GANC: variants seen among roughly 807,000 people sequenced by gnomAD.
GANC encodes glucosidase alpha, neutral C, also known as neutral alpha-glucosidase C.
Under a neutral mutation model 124.2 loss-of-function variants are expected in GANC, and 117 were observed. That is an observed-to-expected ratio of 0.94 (90% CI 0.81 to 1.10). GANC has a LOEUF of 1.10. GANC is among the 50% of genes least tolerant of loss of function. The pLI, the probability that GANC is intolerant of heterozygous loss-of-function variation, is 0.00. For synonymous variants in GANC, 377 were observed against 376.8 expected, an observed-to-expected ratio of 1.00 and a Z score of -0.01; for missense variants, 1,140 against 1,095.0, an observed-to-expected ratio of 1.04 and a Z score of -0.58.
intron 10 of GANC, chr15:42,314,512 T>C: frequency 4.1e-6 from 1 of 245,486 alleles, no homozygotes; most frequent in Non-Finnish European, 8.0e-6. Flanking sequence ...ATTTGTTCTG[T>C]AAATACTGCT....
intron 3 of GANC, among the ~76,000 whole-genome samples, chr15:42,284,900 A>G (rs564347225): frequency 2.5e-4 from 38 of 152,276 alleles, no homozygotes; most frequent in African/African-American, 9.1e-4. Context: ...ATTTTACATA[A>G]ATTGACCTGG....
At chr15:42,293,199 C>G (rs375117249) in intron 5 of GANC, among the ~76,000 whole-genome samples, 8 of 152,294 alleles carry the variant, frequency 5.3e-5, no homozygotes, top group African/African-American at 1.4e-4. Context: ...CTCTGTTGAC[C>G]TGACAAATGT....
intron 6 of GANC, among the ~76,000 whole-genome samples, chr15:42,306,066 G>A (rs1462846930): frequency 4.0e-5 from 6 of 148,442 alleles, no homozygotes; most frequent in Admixed American, 1.4e-4. Flanking sequence ...TCGCTGTGTC[G>A]CCCAGGCTGG....
intron 6 of GANC, among the ~76,000 whole-genome samples, chr15:42,300,729 A>T (rs557916188): frequency 6.6e-6 from 1 of 152,330 alleles, no homozygotes; most frequent in African/African-American, 2.4e-5. Context: ...CTGGATAAAG[A>T]AAATATGGGA....
intron 5 of GANC, 21 bp from the exon 6 acceptor site, chr15:42,297,590 A>G: frequency 6.2e-7 from 1 of 1,604,934 alleles, no homozygotes; most frequent in Non-Finnish European, 8.5e-7. Context: ...GAGTGAAACA[A>G]CTTTATTTAC....
intron 15 of GANC, among the ~76,000 whole-genome samples, chr15:42,332,885 G>A (rs1435806082): frequency 6.7e-6 from 1 of 150,090 alleles, no homozygotes; most frequent in African/African-American, 2.5e-5. Flanking sequence ...CTGCGTGGTA[G>A]CGCGCACCTG....
rs1451905979 is a variant in GANC, at chr15:42,338,212, C to T, written c.1742-177C>T. Among the ~76,000 whole-genome samples the T allele has an allele frequency of 2.0e-5, 3 of 152,112 alleles. No individual in the cohort carries two copies. The East Asian group carries it at 5.8e-4, about 29-fold the overall frequency. On this transcript the variant is annotated intron_variant, in intron 15 of 23. Transcript: ENST00000318010. ...ATGTTTGTTTTGTAGATTTTAATAA[C>T]TTTTCACGTTAGAAAATTGATACTT...
chr15:42,296,415 T>G (rs1477022786), intron 5 of GANC, among the ~76,000 whole-genome samples: 1 of 152,102 alleles, frequency 6.6e-6, no homozygotes, highest in Non-Finnish European at 1.5e-5. Flanking sequence ...AGACGGAATT[T>G]CACTCTTGTT....
chr15:42,331,816 T>C (rs1698237145), intron 15 of GANC, among the ~76,000 whole-genome samples: 1 of 152,222 alleles, frequency 6.6e-6, no homozygotes, highest in Non-Finnish European at 1.5e-5. Context: ...TTTCTTTTTT[T>C]AATTTTCATA....
intron 12 of GANC, among the ~76,000 whole-genome samples, chr15:42,326,884 A>G (rs1473467085): frequency 6.6e-6 from 1 of 152,306 alleles, no homozygotes; most frequent in Non-Finnish European, 1.5e-5. Context: ...AAAAGTTATT[A>G]ATTTAAAGCC....
At chr15:42,339,517 AG>A (rs777132813) in intron 16 of GANC, 151 bp from the exon 17 acceptor site, 20 of 814,510 alleles carry the variant, frequency 2.5e-5, no homozygotes, top group Non-Finnish European at 3.5e-5. Flanking sequence ...TTATGTAGTA[AG>A]GGGGTCACCT....
Position 42,276,342 on chromosome 15 carries a change from A to T in GANC, c.30-6A>T. 1 of 1,327,510 alleles carries T rather than the reference A, an allele frequency of 7.5e-7. No homozygotes were observed. Among genetic ancestry groups the T allele is most frequent in the Non-Finnish European group, 1.1e-6 (1 of 923,488 alleles). 82.2% of individuals were successfully genotyped at this position (1,327,510 alleles called of 1,614,324 possible). ...AATAAATTTCTCAAAATGTCTTTTT[A>T]TTTAGTCTTGAAGATGAAGCTGTAG... On this transcript the variant is annotated splice_polypyrimidine_tract_variant and splice_region_variant and intron_variant, in intron 1 of 23. Transcript: ENST00000318010.
Position 42,278,562 on chromosome 15 carries a change from G to C in GANC, c.173G>C (p.Arg58Thr). The C allele has an allele frequency of 3.1e-6, 5 of 1,611,828 alleles. No individual in the cohort carries two copies. The Admixed American group carries it at 5.0e-5, about 16-fold the overall frequency. The change falls in exon 3 of 24, where the codon AGG becomes ACG. Residue 58 changes from arginine (R) to threonine (T), a missense_variant. By Grantham distance (71) the Arg-to-Thr change is moderately conservative. Coordinates refer to ENST00000318010, the MANE Select transcript of GANC (RefSeq NM_198141.3). Reference sequence around the variant, plus strand: ...GTCACAACAGATGAAGACAGCACCAGGTTCCAAATCATCAATGAAGCAAGT... The same window carrying C: ...GTCACAACAGATGAAGACAGCACCACGTTCCAAATCATCAATGAAGCAAGT... ...DSVTTDEDST[R>T]FQIINEASKV...
chr15:42,321,651 C>A, intron 10 of GANC, 134 bp from the exon 11 acceptor site: 1 of 755,202 alleles, frequency 1.3e-6, no homozygotes, highest in Non-Finnish European at 2.2e-6. Context: ...AAGGCAAGGA[C>A]TGTGCTTTCT....
At chr15:42,296,833 TA>T (rs1233156687) in intron 5 of GANC, among the ~76,000 whole-genome samples, 8 of 151,630 alleles carry the variant, frequency 5.3e-5, no homozygotes, top group Non-Finnish European at 8.8e-5. Context: ...TTCACTCAAA[TA>T]TTTTTTTTCT....
At position 42,345,778 on chromosome 15, in the gene GANC, AT is replaced by A; in HGVS notation, c.2253del (p.Phe751LeufsTer10). The A allele has an allele frequency of 6.2e-7, 1 of 1,612,218 alleles. No homozygotes were observed. ...TCTAGGTCTGGTATGACTATAAGAC[AT>A]TTGCTCATTGGGAAGGAGGGTGTAC... Reference protein sequence around the residue: ...SNEVWYDYKTFAHWEGGCTVK... With the variant: ...SNEVWYDYKTXAHWEGGCTVK... On this transcript the variant is annotated frameshift_variant, in exon 20 of 24. Transcript: ENST00000318010. LOFTEE classifies it high-confidence loss of function.
rs764910913 is a variant in GANC at position 42,339,886 on chromosome 15, A to G, written c.2061A>G (p.Ala687=). ...LPYWYSLFYH[A]HVASQPVMRP... Reference sequence around the variant, plus strand: ...ATTGGTATTCTCTGTTCTACCATGCACACGTGGCTTCCCAACCTGTCATGA... The same window carrying G: ...ATTGGTATTCTCTGTTCTACCATGCGCACGTGGCTTCCCAACCTGTCATGA... Residue 687 remains alanine, a synonymous_variant, in exon 17 of 24, where the codon GCA becomes GCG. Transcript: ENST00000318010. The G allele has an allele frequency of 6.2e-7, 1 of 1,614,056 alleles. No homozygotes were observed. The highest frequency in any genetic ancestry group is 8.5e-7 in the Non-Finnish European group (1 of 1,179,928).
At chr15:42,325,481 A>G (rs2052191835) in intron 11 of GANC, among the ~76,000 whole-genome samples, 1 of 152,100 alleles carries the variant, frequency 6.6e-6, no homozygotes, top group Non-Finnish European at 1.5e-5. Flanking sequence ...GTGGCTTACA[A>G]CTTTTCTCAA....
At chr15:42,301,334 T>C (rs4924656) in intron 6 of GANC, among the ~76,000 whole-genome samples, 138,483 of 152,236 alleles carry the variant, frequency 0.91, 64,346 homozygotes, top group Non-Finnish European at 1. Context: ...CTGGCCCAGA[T>C]ACTACACTTC....
Sources: gnomAD v4.1 joint callset for allele counts (sites outside exome capture counted in the v4.1 genomes callset) on GRCh38, gnomAD v4.1.1 for gene constraint, MANE v1.5 for transcripts, NCBI Gene and HGNC (gene_info 2026-07-23, HGNC 2026-07-21) for gene names.